The following PSD3 variants were observed in gnomAD, a reference collection of about 807,000 sequenced individuals.
PSD3 encodes pleckstrin and Sec7 domain containing 3.
A neutral mutation model predicts 105.5 loss-of-function variants in PSD3; 49 were observed. The observed-to-expected ratio is 0.46, with a 90% CI of 0.37 to 0.59. PSD3 has a LOEUF of 0.59. Among genes scored for constraint, PSD3 ranks in the 20% least tolerant of loss-of-function variants. The probability of loss-of-function intolerance (pLI) is 0.00; values close to 1 mark genes in which losing one functional copy is unlikely to be tolerated. For missense variants in PSD3, 1,561 were observed against 1,263.8 expected, an observed-to-expected ratio of 1.24 and a Z score of -3.57; for synonymous variants, 557 against 457.8, an observed-to-expected ratio of 1.22 and a Z score of -2.77.
intron 9 of PSD3, among the ~76,000 whole-genome samples, chr8:18,713,225 A>G (rs62495829): frequency 0.02 from 2,984 of 152,324 alleles, 45 homozygotes; most frequent in African/African-American, 0.046. Flanking sequence ...AAACCGGCAC[A>G]AGACAAGGAT....
chr8:18,793,679 T>A (rs1033302016), intron 8 of PSD3, among the ~76,000 whole-genome samples: 1 of 152,116 alleles, frequency 6.6e-6, no homozygotes, highest in Non-Finnish European at 1.5e-5. Context: ...ATGCCAACGA[T>A]AGCTTTCATG....
intron 12 of PSD3, among the ~76,000 whole-genome samples, chr8:18,600,115 G>C (rs1186785429): frequency 2.0e-5 from 3 of 152,192 alleles, no homozygotes; most frequent in South Asian, 4.1e-4. Flanking sequence ...GCTGGACAAA[G>C]GGATGATTCA....
chr8:18,709,226 G>A (rs1451480066), intron 9 of PSD3, among the ~76,000 whole-genome samples: 5 of 152,192 alleles, frequency 3.3e-5, no homozygotes, highest in African/African-American at 1.2e-4. Context: ...CACAGCGACT[G>A]TGGCAGATCA....
chr8:18,951,530 G>GA (rs1823235000), intron 1 of PSD3, among the ~76,000 whole-genome samples: 1 of 152,152 alleles, frequency 6.6e-6, no homozygotes, highest in Non-Finnish European at 1.5e-5. Flanking sequence ...AAAGTACCTG[G>GA]AAAAATGCAC....
chr8:18,975,178 G>T (rs1296606543), intron 1 of PSD3, among the ~76,000 whole-genome samples: 1 of 152,096 alleles, frequency 6.6e-6, no homozygotes, highest in African/African-American at 2.4e-5. Context: ...TAAGGAAAAG[G>T]TCTCTGCCTA....
chr8:18,596,059 T>C (rs1458987667), intron 12 of PSD3, among the ~76,000 whole-genome samples: 1 of 151,806 alleles, frequency 6.6e-6, no homozygotes, highest in East Asian at 1.9e-4. Context: ...AAATATATTG[T>C]CCAATCACAA....
At position 18,602,448 on chromosome 8, in the gene PSD3, G is replaced by C. The variant is rs116793055; in HGVS notation, c.2411-2014C>G. Among the ~76,000 whole-genome samples the C allele has an allele frequency of 6.9e-3, 1,046 of 152,106 alleles. 9 individuals are homozygous for C. The highest frequency in any genetic ancestry group is 0.024 in the African/African-American group (997 of 41,494). ...GTCTACTTTTCTATTTCCCACAGAAGTATAAAACTTAACCTTATCTTTGGC... is the reference window on the plus strand; with the variant it reads ...GTCTACTTTTCTATTTCCCACAGAACTATAAAACTTAACCTTATCTTTGGC... On this transcript the variant is annotated intron_variant, in intron 11 of 15. Transcript: ENST00000327040.
At chr8:19,041,633 C>T (rs1236521968) in intron 1 of PSD3, among the ~76,000 whole-genome samples, 6 of 152,204 alleles carry the variant, frequency 3.9e-5, no homozygotes, top group African/African-American at 7.2e-5. Flanking sequence ...TCCACAAAGA[C>T]GGCTAAAATA....
intron 4 of PSD3, among the ~76,000 whole-genome samples, chr8:18,861,218 G>A (rs553018993): frequency 1.2e-4 from 19 of 152,162 alleles, no homozygotes; most frequent in Admixed American, 4.6e-4. Context: ...CCTGACAATC[G>A]ACCCACTGCT....
rs1228601543 is a variant in PSD3, at chr8:18,867,832, G to C, written c.1476C>G (p.Phe492Leu). The change falls in exon 4 of 16, where the codon TTC (phenylalanine) becomes TTG (leucine). Residue 492 changes from phenylalanine (F) to leucine (L), a missense_variant. By Grantham distance (22) the Phe-to-Leu change is conservative. Transcript: ENST00000327040. ...GTCCTCCCCCTGATGTCCTCTCCAA[G>C]AACTGACCACCTTCTTTAATGCGCT... ...IQQRIKEGGQ[F>L]LERTSGGGHQ... 6.2e-7 allele frequency: 1 copy of C among 1,614,130 alleles called. No homozygotes were observed. The highest frequency in any genetic ancestry group is 2.2e-5 in the East Asian group (1 of 44,868).
chr8:18,769,303 G>T (rs335218), intron 8 of PSD3, among the ~76,000 whole-genome samples: 1 of 151,870 alleles, frequency 6.6e-6, no homozygotes, highest in Non-Finnish European at 1.5e-5. Flanking sequence ...TTTGATATGT[G>T]ATCTGCAAAA....
At position 18,868,059 on chromosome 8, in the gene PSD3, G is replaced by A; in HGVS notation, c.1249C>T (p.Gln417Ter). 6.2e-7 allele frequency: 1 copy of A among 1,600,056 alleles called. No individual in the cohort carries two copies. Among genetic ancestry groups the A allele is most frequent in the Non-Finnish European group, 8.5e-7 (1 of 1,173,872 alleles). The change falls in exon 4 of 16, where the codon CAA becomes TAA. Residue 417 changes from glutamine (Q) to a stop codon, truncating the protein, a stop_gained. Coordinates refer to ENST00000327040, the MANE Select transcript of PSD3 (RefSeq NM_015310.4). LOFTEE classifies it high-confidence loss of function. ...TCTTCCCCCTTAACGTGCTCCTCTT[G>A]TTCGCTGATCCTGGAAAGTAAATAA... ...PERDRERISE[Q>*]EEHVKGEDED... is the part of the protein sequence containing the mutation.
rs1018091348 is a variant in PSD3 at position 18,529,292 on chromosome 8, C to T, written c.*6451G>A. 5 of 152,202 alleles carry T rather than the reference C, an allele frequency of 3.3e-5. No homozygotes were observed. Among genetic ancestry groups the T allele is most frequent in the Non-Finnish European group, 5.9e-5 (4 of 68,032 alleles). 9.4% of individuals were successfully genotyped at this position (152,202 alleles called of 1,614,324 possible). On this transcript the variant is annotated 3_prime_UTR_variant, in exon 16 of 16. Transcript: ENST00000327040. ...TCAGACACTAGAGCTCAGATTCCAC[C>T]CTGGCCCTTGGAAAACATCTGTGAT...
intron 1 of PSD3, among the ~76,000 whole-genome samples, chr8:19,052,421 G>A (rs1193450972): frequency 1.7e-4 from 25 of 149,624 alleles, no homozygotes; most frequent in Admixed American, 4.0e-4. Flanking sequence ...GCAGTGAGCC[G>A]AGATCGCACC....
At chr8:18,629,277 G>A (rs548007563) in intron 11 of PSD3, among the ~76,000 whole-genome samples, 2 of 152,076 alleles carry the variant, frequency 1.3e-5, no homozygotes, top group South Asian at 2.1e-4. Context: ...AAATGATATA[G>A]AAACTTTAGA....
intron 9 of PSD3, among the ~76,000 whole-genome samples, chr8:18,752,194 T>C (rs1427035218): frequency 6.6e-6 from 1 of 151,594 alleles, no homozygotes; most frequent in East Asian, 1.9e-4. Context: ...TAAAAAATTA[T>C]GCATATACTT....
At chr8:19,079,753 A>C (rs1007508071) in intron 1 of PSD3, among the ~76,000 whole-genome samples, 8 of 152,208 alleles carry the variant, frequency 5.3e-5, no homozygotes, top group African/African-American at 1.9e-4. Context: ...ACTCTTTCAT[A>C]CCTGAATGTC....
At chr8:18,909,070 C>A (rs1434226872) in intron 2 of PSD3, among the ~76,000 whole-genome samples, 2 of 152,130 alleles carry the variant, frequency 1.3e-5, no homozygotes, top group African/African-American at 4.8e-5. Flanking sequence ...GACAATTGTT[C>A]CAAGGGTAAC....
intron 1 of PSD3, among the ~76,000 whole-genome samples, chr8:19,028,740 T>G (rs1827656454): frequency 6.6e-6 from 1 of 152,212 alleles, no homozygotes; most frequent in Non-Finnish European, 1.5e-5. Context: ...TGTTGTGTCC[T>G]GAGATATCTT....
Sources: allele counts gnomAD v4.1 joint callset (sites outside exome capture counted in the v4.1 genomes callset), GRCh38; gene constraint gnomAD v4.1.1; transcripts MANE v1.5; gene names NCBI Gene and HGNC (gene_info 2026-07-23, HGNC 2026-07-21).